Variants in MYCT1 observed in about 807,000 individuals in gnomAD.
The protein encoded by MYCT1 is myc target protein 1.
Under a neutral mutation model 15.0 loss-of-function variants are expected in MYCT1, and 12 were observed. The ratio of observed to expected loss-of-function variants is 0.80; its 90% CI spans 0.51 to 1.29. The LOEUF is 1.29. Ranked by LOEUF, MYCT1 falls within the 50% of genes most tolerant of loss-of-function variation. The pLI is 0.00. For missense variants in MYCT1, 287 were observed against 279.1 expected, an observed-to-expected ratio of 1.03 and a Z score of -0.20; for synonymous variants, 104 against 102.7, an observed-to-expected ratio of 1.01 and a Z score of -0.07.
the MYCT1 span, among the ~76,000 whole-genome samples, chr6:152,729,754 C>T: frequency 6.6e-5 from 10 of 152,186 alleles, no homozygotes; most frequent in African/African-American, 1.9e-4. Context: ...ACCTTGTGAT[C>T]TGCTGAGCAG....
downstream of MYCT1, chr6:152,724,613 T>C (rs546827690): frequency 1.3e-5 from 2 of 152,282 alleles, no homozygotes; most frequent in South Asian, 4.1e-4. Context: ...AACACTGTTC[T>C]AAAAAGCAAG....
chr6:152,700,802 T>G (rs1337724402), intron 1 of MYCT1, among the ~76,000 whole-genome samples: 1 of 152,174 alleles, frequency 6.6e-6, no homozygotes, highest in African/African-American at 2.4e-5. Context: ...TTTGGTTGTT[T>G]CTGCTGTCTT....
the MYCT1 span, among the ~76,000 whole-genome samples, chr6:152,745,006 G>C: frequency 1.3e-5 from 2 of 152,144 alleles, no homozygotes; most frequent in African/African-American, 4.8e-5. Flanking sequence ...GGCAAAGTTG[G>C]AGACCAGCTG....
At chr6:152,703,066 A>G (rs2099721618) in intron 1 of MYCT1, among the ~76,000 whole-genome samples, 1 of 152,186 alleles carries the variant, frequency 6.6e-6, no homozygotes, top group Non-Finnish European at 1.5e-5. Context: ...TCAGGTATCA[A>G]TGTTATGCAA....
At chr6:152,699,835 T>A (rs992286207) in intron 1 of MYCT1, among the ~76,000 whole-genome samples, 1 of 152,148 alleles carries the variant, frequency 6.6e-6, no homozygotes, top group Non-Finnish European at 1.5e-5. Flanking sequence ...ACCTATTGAT[T>A]CTAAAAATTT....
chr6:152,705,994 C>G (rs770776277), intron 1 of MYCT1: 23 of 821,592 alleles, frequency 2.8e-5, no homozygotes, highest in Middle Eastern at 2.3e-4. Flanking sequence ...GCTGCTTTAT[C>G]GGATGCTGCT....
Position 152,722,176 on chromosome 6 carries a change from A to G in MYCT1, c.631A>G (p.Asn211Asp), listed in dbSNP as rs146283736. Reference protein sequence around the residue: ...SLSRPDYWSSNSLRVGLSTPP... With the variant: ...SLSRPDYWSSDSLRVGLSTPP... ...GAGCCGTCCTGACTACTGGTCCAGT[A>G]ACAGTCTTCGAGTGGGCCTTTCAAC... The change falls in exon 2 of 2, where the codon AAC (asparagine) becomes GAC (aspartate). Residue 211 changes from asparagine (N) to aspartate (D), a missense_variant. Physicochemically the swap from Asn to Asp is conservative, Grantham distance 23. Transcript: ENST00000367245. The G allele has an allele frequency of 8.4e-5, 135 of 1,614,056 alleles. No homozygotes were observed. The African/African-American group carries it at 1.7e-3, about 20-fold the overall frequency.
At chr6:152,742,802 T>C in the MYCT1 span, among the ~76,000 whole-genome samples, 1 of 152,118 alleles carries the variant, frequency 6.6e-6, no homozygotes, top group African/African-American at 2.4e-5. Context: ...GCAGAGGTCA[T>C]TGATACCTGT....
At chr6:152,702,503 G>A (rs1261836689) in intron 1 of MYCT1, among the ~76,000 whole-genome samples, 1 of 152,122 alleles carries the variant, frequency 6.6e-6, no homozygotes, top group Admixed American at 6.5e-5. Flanking sequence ...GAGATGCAGG[G>A]TTGTGAACTG....
intron 1 of MYCT1, among the ~76,000 whole-genome samples, chr6:152,713,389 T>C (rs1583971139): frequency 1.3e-5 from 2 of 152,152 alleles, no homozygotes; most frequent in Non-Finnish European, 2.9e-5. Context: ...TCTTAAAGTT[T>C]GTTTTTGTTG....
chr6:152,716,415 C>T (rs557473730), intron 1 of MYCT1, among the ~76,000 whole-genome samples: 1 of 152,206 alleles, frequency 6.6e-6, no homozygotes, highest in African/African-American at 2.4e-5. Flanking sequence ...TTAACAACTG[C>T]AAAGGGTTTT....
chr6:152,736,139 A>G, the MYCT1 span, among the ~76,000 whole-genome samples: 8 of 152,162 alleles, frequency 5.3e-5, no homozygotes, highest in African/African-American at 1.9e-4. Context: ...TTAGCTGTGC[A>G]CTTAATGAAA....
At chr6:152,714,687 A>G (rs2099723325) in intron 1 of MYCT1, among the ~76,000 whole-genome samples, 1 of 151,666 alleles carries the variant, frequency 6.6e-6, no homozygotes, top group Non-Finnish European at 1.5e-5. Flanking sequence ...GATAATTCAA[A>G]TATTTTCATA....
At chr6:152,731,344 G>C in the MYCT1 span, among the ~76,000 whole-genome samples, 2 of 152,076 alleles carry the variant, frequency 1.3e-5, no homozygotes, top group African/African-American at 4.8e-5. Flanking sequence ...GATTGTACAT[G>C]GTAGCTCAAA....
At chr6:152,719,495 C>T (rs372118458) in intron 1 of MYCT1, among the ~76,000 whole-genome samples, 10 of 152,174 alleles carry the variant, frequency 6.6e-5, no homozygotes, top group Non-Finnish European at 1.3e-4. Context: ...ATGGGAATAA[C>T]GCTAGCATTT....
chr6:152,718,549 A>C (rs1407585961), intron 1 of MYCT1, among the ~76,000 whole-genome samples: 1 of 152,126 alleles, frequency 6.6e-6, no homozygotes, highest in African/African-American at 2.4e-5. Flanking sequence ...CCTGGCCTCA[A>C]TCACAATAAT....
intron 1 of MYCT1, among the ~76,000 whole-genome samples, chr6:152,714,602 C>T (rs899495401): frequency 4.6e-5 from 7 of 150,968 alleles, no homozygotes; most frequent in African/African-American, 1.2e-4. Flanking sequence ...TTTATAGATC[C>T]TCAATCTCTG....
chr6:152,697,898 C>G lies in MYCT1; in HGVS notation c.-5C>G. The G allele has an allele frequency of 6.5e-7, 1 of 1,549,688 alleles. No individual in the cohort carries two copies. The highest frequency in any genetic ancestry group is 8.7e-7 in the Non-Finnish European group (1 of 1,153,728). ...GCAGGAAACATGATACACTTATTTC[C>G]TTTTATGCGAACACAAGTATATGAG... On this transcript the variant is annotated 5_prime_UTR_variant, in exon 1 of 2. Coordinates refer to ENST00000367245, the MANE Select transcript of MYCT1 (RefSeq NM_025107.3).
At chr6:152,735,110 A>T in the MYCT1 span, among the ~76,000 whole-genome samples, 8 of 152,232 alleles carry the variant, frequency 5.3e-5, no homozygotes, top group African/African-American at 1.9e-4. Flanking sequence ...TGTTTTTAAC[A>T]GGAGAATAAA....
Sources: gnomAD v4.1 joint callset for allele counts (sites outside exome capture counted in the v4.1 genomes callset) on GRCh38, gnomAD v4.1.1 for gene constraint, MANE v1.5 for transcripts, NCBI Gene and HGNC (gene_info 2026-07-23, HGNC 2026-07-21) for gene names.